The following PTK7 variants were observed in gnomAD, a reference collection of about 807,000 sequenced individuals.
PTK7 encodes the protein protein tyrosine kinase 7 (inactive).
PTK7 carries 39 observed loss-of-function variants against 116.6 expected under a neutral mutation model. The observed-to-expected ratio is 0.33, with a 90% CI of 0.26 to 0.44. PTK7 has a LOEUF of 0.44. Ranked by LOEUF, PTK7 falls within the 20% of genes least tolerant of loss-of-function variation. The pLI is 1.00. For synonymous variants in PTK7, 546 were observed against 563.6 expected (o/e 0.97, Z 0.44); for missense variants, 1,169 against 1,425.6 (o/e 0.82, Z 2.90).
intron 1 of PTK7, among the ~76,000 whole-genome samples, chr6:43,094,725 G>A (rs570956554): frequency 1.3e-5 from 2 of 151,924 alleles, no homozygotes; most frequent in East Asian, 2.0e-4. Flanking sequence ...TCATCCGCCC[G>A]TCTCTGTCTC....
chr6:43,092,413 A>G (rs1272862326), intron 1 of PTK7, among the ~76,000 whole-genome samples: 2 of 150,774 alleles, frequency 1.3e-5, no homozygotes, highest in African/African-American at 4.9e-5. Flanking sequence ...CAATCCTCCT[A>G]CTACCTCAGC....
chr6:43,113,143 T>TTTCCTA (rs968164282), intron 1 of PTK7, among the ~76,000 whole-genome samples: 35 of 152,122 alleles, frequency 2.3e-4, no homozygotes, highest in African/African-American at 8.0e-4. Flanking sequence ...AACAAGGTAT[T>TTTCCTA]TTCCTATGCC....
chr6:43,079,517 C>G (rs1311516346), intron 1 of PTK7, among the ~76,000 whole-genome samples: 1 of 150,880 alleles, frequency 6.6e-6, no homozygotes, highest in Non-Finnish European at 1.5e-5. Context: ...AAAAAAAAAT[C>G]CAAGGGTGCT....
chr6:43,092,738 C>T (rs1427335688), intron 1 of PTK7, among the ~76,000 whole-genome samples: 1 of 152,114 alleles, frequency 6.6e-6, no homozygotes, highest in East Asian at 1.9e-4. Context: ...TTGGCTATAA[C>T]TGTGATGGTT....
At chr6:43,089,121 C>G (rs1332438891) in intron 1 of PTK7, among the ~76,000 whole-genome samples, 1 of 152,134 alleles carries the variant, frequency 6.6e-6, no homozygotes, top group Non-Finnish European at 1.5e-5. Flanking sequence ...GTCTTTTAAC[C>G]CTCAGGAGTG....
intron 7 of PTK7, among the ~76,000 whole-genome samples, chr6:43,135,700 G>C (rs1203989961): frequency 6.6e-6 from 1 of 152,230 alleles, no homozygotes; most frequent in East Asian, 1.9e-4. Context: ...GAAGTTGCCT[G>C]AGAGGTGGAA....
chr6:43,130,180 TG>T, intron 3 of PTK7, 49 bp from the exon 4 acceptor site: 1 of 1,500,958 alleles, frequency 6.7e-7, no homozygotes, highest in South Asian at 1.3e-5. Flanking sequence ...TCCTCTCCAC[TG>T]GCCACTGAGT....
intron 17 of PTK7, among the ~76,000 whole-genome samples, chr6:43,156,392 A>G (rs1056078819): frequency 1.3e-5 from 2 of 152,048 alleles, no homozygotes; most frequent in African/African-American, 4.8e-5. Flanking sequence ...GCTTGATCCC[A>G]GGAGTTTGAG....
intron 17 of PTK7, among the ~76,000 whole-genome samples, chr6:43,153,945 C>T (rs1321576473): frequency 6.6e-6 from 1 of 151,956 alleles, no homozygotes; most frequent in Non-Finnish European, 1.5e-5. Context: ...GCAGGTGGAT[C>T]ACTTAATGGC....
At chr6:43,138,000 G>A (rs1199867916) in intron 7 of PTK7, among the ~76,000 whole-genome samples, 2 of 152,052 alleles carry the variant, frequency 1.3e-5, no homozygotes, top group Non-Finnish European at 2.9e-5. Flanking sequence ...GTAGAGACGG[G>A]GTTTCACTAT....
chr6:43,096,652 C>G (rs545077439), intron 1 of PTK7, among the ~76,000 whole-genome samples: 7 of 152,200 alleles, frequency 4.6e-5, no homozygotes, highest in Non-Finnish European at 1.0e-4. Context: ...TTCCCTTGTG[C>G]TCTGCACTTC....
intron 1 of PTK7, among the ~76,000 whole-genome samples, chr6:43,085,218 G>A (rs1463833647): frequency 6.6e-6 from 1 of 152,192 alleles, no homozygotes; most frequent in Non-Finnish European, 1.5e-5. Context: ...GGCTAGCCCT[G>A]ATGGTTCTTC....
chr6:43,087,932 A>T (rs568884304), intron 1 of PTK7, among the ~76,000 whole-genome samples: 1 of 152,268 alleles, frequency 6.6e-6, no homozygotes, highest in Non-Finnish European at 1.5e-5. Context: ...AAGATTTAGG[A>T]GGGAGAGTAT....
chr6:43,083,529 A>G (rs1040250130), intron 1 of PTK7, among the ~76,000 whole-genome samples: 4 of 152,228 alleles, frequency 2.6e-5, no homozygotes, highest in Non-Finnish European at 5.9e-5. Context: ...AGCCCTCTGT[A>G]GTATGTCACT....
chr6:43,147,593 T>C (rs1770798356), intron 17 of PTK7, among the ~76,000 whole-genome samples: 1 of 152,158 alleles, frequency 6.6e-6, no homozygotes, highest in Non-Finnish European at 1.5e-5. Flanking sequence ...CCTTGCCTGC[T>C]AGGCTGTCCC....
chr6:43,125,645 GA>G (rs560103728), intron 1 of PTK7, among the ~76,000 whole-genome samples: 292 of 152,352 alleles, frequency 1.9e-3, no homozygotes, highest in African/African-American at 6.6e-3. Flanking sequence ...AATCTTCTTA[GA>G]AGTTGAGTCC....
intron 1 of PTK7, among the ~76,000 whole-genome samples, chr6:43,077,429 G>A (rs1766114374): frequency 6.6e-6 from 1 of 152,170 alleles, no homozygotes; most frequent in African/African-American, 2.4e-5. Flanking sequence ...TTTTCTTGGG[G>A]GGGGGCCTTA....
At chr6:43,093,719 T>C (rs141241878) in intron 1 of PTK7, among the ~76,000 whole-genome samples, 1 of 152,306 alleles carries the variant, frequency 6.6e-6, no homozygotes, top group Non-Finnish European at 1.5e-5. Context: ...TCTAGGTTCT[T>C]TGTGTTTTGA....
At position 43,130,528 on chromosome 6, in the gene PTK7, G is replaced by A. The variant is rs773520695; in HGVS notation, c.679G>A (p.Val227Met). The A allele has an allele frequency of 5.6e-6, 9 of 1,613,846 alleles. No homozygotes were observed. In the South Asian group the frequency reaches 8.8e-5, roughly 16 times the overall value. ...CTCTCCAGATGAAAGCTTTGCCAGG[G>A]TGGTGCTGGCACCCCAGGACGTGGT... Reference protein sequence around the residue: ...LSIADESFARVVLAPQDVVVA... With the variant: ...LSIADESFARMVLAPQDVVVA... The change falls in exon 5 of 20, where the codon GTG becomes ATG. Residue 227 changes from valine (V) to methionine (M), a missense_variant. Val to Met is a conservative substitution (Grantham distance 21). Coordinates refer to ENST00000230419, the MANE Select transcript of PTK7 (RefSeq NM_002821.5).
Sources: allele counts gnomAD v4.1 joint callset (sites outside exome capture counted in the v4.1 genomes callset), GRCh38; gene constraint gnomAD v4.1.1; transcripts MANE v1.5; gene names NCBI Gene and HGNC (gene_info 2026-07-23, HGNC 2026-07-21).